Variants in ACOT1 observed in about 807,000 individuals in gnomAD.
ACOT1 encodes acyl-CoA thioesterase 1.
Under a neutral mutation model 15.7 loss-of-function variants are expected in ACOT1, and 8 were observed. The ratio of observed to expected loss-of-function variants is 0.51; its 90% CI spans 0.30 to 0.92. The LOEUF (loss-of-function observed/expected upper bound fraction) is 0.92. Among genes scored for constraint, ACOT1 ranks in the 40% least tolerant of loss-of-function variants. The pLI is 0.06. For synonymous variants in ACOT1, 67 were observed against 241.2 expected, an observed-to-expected ratio of 0.28 and a Z score of 6.69; for missense variants, 151 against 539.4, an observed-to-expected ratio of 0.28 and a Z score of 7.13.
At chr14:73,492,688 G>A in the ACOT1 span, 1 of 1,613,996 alleles carries the variant, frequency 6.2e-7, no homozygotes. This position sits in a 1 kb window ranked among gnomAD's most constrained non-coding sequence, Gnocchi z 4.9. Context: ...GGATAGCTCG[G>A]CTGGTGGGTG....
At chr14:73,509,216 T>G in the ACOT1 span, 1 of 1,204,368 alleles carries the variant, frequency 8.3e-7, no homozygotes, top group Non-Finnish European at 1.2e-6. Context: ...CAGCAGACAT[T>G]GCAGAGCATC....
the ACOT1 span, among the ~76,000 whole-genome samples, chr14:73,514,864 C>T: frequency 2.0e-5 from 3 of 151,848 alleles, no homozygotes; most frequent in African/African-American, 4.8e-5. Context: ...GTCAGGAGAT[C>T]GAGACCATCC....
chr14:73,492,105 G>A, the ACOT1 span: 1 of 1,613,934 alleles, frequency 6.2e-7, no homozygotes, highest in Non-Finnish European at 8.5e-7. This position sits in a 1 kb window ranked among gnomAD's most constrained non-coding sequence, Gnocchi z 4.9. Flanking sequence ...TACCGACCCC[G>A]AGTCCCAACC....
chr14:73,490,978 C>A, the ACOT1 span: 2 of 1,319,362 alleles, frequency 1.5e-6, no homozygotes, highest in South Asian at 2.3e-5. Context: ...TTAGCTTCGC[C>A]CCCGGCCGGC....
At chr14:73,501,086 G>C in the ACOT1 span, among the ~76,000 whole-genome samples, 11 of 152,190 alleles carry the variant, frequency 7.2e-5, no homozygotes, top group Middle Eastern at 3.2e-3. Context: ...TGCCTATGCA[G>C]TCTTTTTGTT....
chr14:73,518,077 CTT>C, the ACOT1 span, among the ~76,000 whole-genome samples: 19 of 151,942 alleles, frequency 1.3e-4, no homozygotes, highest in Non-Finnish European at 2.2e-4. Flanking sequence ...CAGAGCGAGA[CTT>C]TATCTCAAAA....
chr14:73,524,129 A>G, the ACOT1 span, among the ~76,000 whole-genome samples: 8 of 151,590 alleles, frequency 5.3e-5, no homozygotes, highest in Admixed American at 4.6e-4. Context: ...CATCTCTACT[A>G]AAAATACAAA....
chr14:73,529,655 G>A, the ACOT1 span, among the ~76,000 whole-genome samples: 1 of 152,146 alleles, frequency 6.6e-6, no homozygotes, highest in Admixed American at 6.5e-5. Context: ...CTACTTTTCT[G>A]TTTGCTTATC....
upstream of ACOT1, among the ~76,000 whole-genome samples, chr14:73,534,287 G>A: frequency 1.8e-5 from 2 of 110,380 alleles, 1 homozygote; most frequent in Non-Finnish European, 3.9e-5. Flanking sequence ...GCTGAGGCAG[G>A]TGAATCACTG....
the ACOT1 span, chr14:73,491,098 G>A: frequency 6.2e-7 from 1 of 1,601,856 alleles, no homozygotes; most frequent in South Asian, 1.1e-5. Flanking sequence ...CACACAGCGG[G>A]TCGGTCCTGG....
At chr14:73,514,018 T>C in the ACOT1 span, 3 of 1,613,354 alleles carry the variant, frequency 1.9e-6, no homozygotes, top group Non-Finnish European at 2.5e-6. Flanking sequence ...TCACAGGACC[T>C]CCCTTCACTC....
At chr14:73,491,095 C>T in the ACOT1 span, 59 of 1,600,360 alleles carry the variant, frequency 3.7e-5, no homozygotes, top group African/African-American at 5.5e-4. Flanking sequence ...AGCCACACAG[C>T]GGGTCGGTCC....
the ACOT1 span, among the ~76,000 whole-genome samples, chr14:73,528,414 A>AAC: frequency 6.7e-6 from 1 of 148,776 alleles, no homozygotes; most frequent in Non-Finnish European, 1.5e-5. Flanking sequence ...AAAAAAAAAA[A>AAC]CTTAAGGAAT....
At chr14:73,537,005 A>C (rs555922656), upstream of ACOT1, 142 of 117,596 alleles carry the variant, frequency 1.2e-3, 30 homozygotes, top group South Asian at 0.04. Context: ...TTTTTCTGAG[A>C]CGGACTTTCG....
the ACOT1 span, chr14:73,520,915 T>A: frequency 6.2e-7 from 1 of 1,613,582 alleles, no homozygotes; most frequent in African/African-American, 1.3e-5. Context: ...GCTCGGGGAG[T>A]CACCTGGCGA....
At chr14:73,527,919 C>T in the ACOT1 span, among the ~76,000 whole-genome samples, 2 of 141,104 alleles carry the variant, frequency 1.4e-5, no homozygotes, top group South Asian at 4.4e-4. Context: ...GCAGAGGTTG[C>T]CACCGTACTC....
chr14:73,492,712 G>C, the ACOT1 span: 3 of 1,613,828 alleles, frequency 1.9e-6, no homozygotes, highest in Admixed American at 1.7e-5. The surrounding 1 kb of genome is among the most constrained non-coding windows in gnomAD (Gnocchi z 4.9). Flanking sequence ...GGGGCCATTT[G>C]TTTCTCTATT....
At chr14:73,529,515 C>G in the ACOT1 span, among the ~76,000 whole-genome samples, 1 of 152,016 alleles carries the variant, frequency 6.6e-6, no homozygotes, top group African/African-American at 2.4e-5. Flanking sequence ...TAGTTAAAAC[C>G]TGATGAACTT....
the ACOT1 span, chr14:73,514,050 C>G: frequency 6.2e-7 from 1 of 1,614,200 alleles, no homozygotes; most frequent in Non-Finnish European, 8.5e-7. Flanking sequence ...AGGCAGTCTT[C>G]CATTCCTTCA....
Sources: allele counts gnomAD v4.1 joint callset (sites outside exome capture counted in the v4.1 genomes callset), GRCh38; gene constraint gnomAD v4.1.1; non-coding constraint Gnocchi (gnomAD v3.1); transcripts MANE v1.5; gene names NCBI Gene and HGNC (gene_info 2026-07-23, HGNC 2026-07-21).